The following CCDC7 variants were observed in gnomAD, a reference collection of about 807,000 sequenced individuals.
The protein encoded by CCDC7 is coiled-coil domain containing 7.
Under a neutral mutation model 196.9 loss-of-function variants are expected in CCDC7, and 183 were observed. The ratio of observed to expected loss-of-function variants is 0.93; its 90% CI spans 0.82 to 1.05. The LOEUF is 1.05. Ranked by LOEUF, CCDC7 falls within the 50% of genes least tolerant of loss-of-function variation. The pLI, the probability that CCDC7 is intolerant of heterozygous loss-of-function variation, is 0.00. For synonymous variants in CCDC7, 525 were observed against 484.6 expected (o/e 1.08, Z -1.10); for missense variants, 1,540 against 1,482.2 (o/e 1.04, Z -0.64).
intron 18 of CCDC7, among the ~76,000 whole-genome samples, chr10:32,603,019 A>G (rs74999107): frequency 0.022 from 3,417 of 152,274 alleles, 67 homozygotes; most frequent in Non-Finnish European, 0.035. Flanking sequence ...TAATATAGTC[A>G]TCCTACTGTG....
intron 33 of CCDC7, among the ~76,000 whole-genome samples, chr10:32,837,830 G>A (rs908405048): frequency 2.0e-5 from 3 of 149,880 alleles, no homozygotes; most frequent in African/African-American, 7.3e-5. Flanking sequence ...CAAGGACAAA[G>A]TACCAAACAC....
intron 5 of CCDC7, among the ~76,000 whole-genome samples, chr10:32,468,239 G>C (rs578181478): frequency 1.9e-4 from 29 of 152,102 alleles, no homozygotes; most frequent in Non-Finnish European, 3.5e-4. Flanking sequence ...TTTTCCATTT[G>C]TTTGTGTCAT....
At chr10:32,618,909 A>C (rs2063074864) in intron 18 of CCDC7, among the ~76,000 whole-genome samples, 1 of 152,118 alleles carries the variant, frequency 6.6e-6, no homozygotes, top group Admixed American at 6.6e-5. Flanking sequence ...ATGTAGTCCC[A>C]GACATCTCAA....
chr10:32,549,772 G>A (rs1297695534), intron 13 of CCDC7, among the ~76,000 whole-genome samples: 1 of 152,052 alleles, frequency 6.6e-6, no homozygotes, highest in African/African-American at 2.4e-5. Flanking sequence ...CATTGTCAGT[G>A]TGCCTGTTTT....
At chr10:32,514,517 G>A (rs1174334667) in intron 9 of CCDC7, 1 of 152,228 alleles carries the variant, frequency 6.6e-6, no homozygotes, top group African/African-American at 2.4e-5. Flanking sequence ...GAGCATGGCT[G>A]TGCCAACACT....
Position 32,533,522 on chromosome 10 carries a change from C to T in CCDC7, c.994-9778C>T, listed in dbSNP as rs562056971. ...CCTGGAAAAGTTTTTTTTTATTTTG[C>T]ACGTTGGTGTTTTATTTTTTTTCAG... On this transcript the variant is annotated intron_variant, in intron 11 of 41. Transcript: ENST00000639629. Among the ~76,000 whole-genome samples, 9 of 151,822 alleles carry T rather than the reference C, an allele frequency of 5.9e-5. No individual in the cohort carries two copies. In the South Asian group the frequency reaches 1.2e-3, roughly 21 times the overall value.
rs2038458490 is a variant in CCDC7, at chr10:32,473,947, C to T, written c.740-20C>T. 1 of 1,597,706 alleles carries T rather than the reference C, an allele frequency of 6.3e-7. No individual in the cohort carries two copies. The highest frequency in any genetic ancestry group is 8.5e-7 in the Non-Finnish European group (1 of 1,173,510). ...AATTGCCGTTTGAAGTTTATAGTGACAAATACACTTTTACTTCAGAATTCT... is the reference window on the plus strand; with the variant it reads ...AATTGCCGTTTGAAGTTTATAGTGATAAATACACTTTTACTTCAGAATTCT... On this transcript the variant is annotated intron_variant, in intron 7 of 41. Coordinates refer to ENST00000639629, the Ensembl canonical transcript of CCDC7.
intron 2 of CCDC7, among the ~76,000 whole-genome samples, chr10:32,455,202 A>G (rs1443358913): frequency 6.6e-6 from 1 of 150,728 alleles, no homozygotes; most frequent in African/African-American, 2.4e-5. Flanking sequence ...TCTCTGCTGG[A>G]TGATTTAGTT....
chr10:32,812,849 T>C (rs988825623), intron 30 of CCDC7, among the ~76,000 whole-genome samples: 3 of 152,168 alleles, frequency 2.0e-5, no homozygotes, highest in African/African-American at 7.2e-5. Context: ...TTCTTTGATA[T>C]ATCAGTTGAA....
intron 11 of CCDC7, among the ~76,000 whole-genome samples, chr10:32,532,149 C>T (rs547038967): frequency 6.6e-6 from 1 of 152,092 alleles, no homozygotes; most frequent in South Asian, 2.1e-4. Context: ...AGTCTTTCTA[C>T]TTTTTTCCTT....
intron 18 of CCDC7, among the ~76,000 whole-genome samples, chr10:32,592,811 G>C (rs2059910111): frequency 6.6e-6 from 1 of 152,028 alleles, no homozygotes; most frequent in African/African-American, 2.4e-5. Context: ...TTGGATTTCT[G>C]TCCTTGCAAT....
chr10:32,487,485 C>G (rs967746971), intron 8 of CCDC7, among the ~76,000 whole-genome samples: 1 of 152,178 alleles, frequency 6.6e-6, no homozygotes, highest in Admixed American at 6.5e-5. Flanking sequence ...TCTCTCAACT[C>G]GTCGAAGTCA....
intron 31 of CCDC7, among the ~76,000 whole-genome samples, chr10:32,821,295 T>G (rs1424767112): frequency 6.6e-6 from 1 of 152,008 alleles, no homozygotes; most frequent in African/African-American, 2.4e-5. Flanking sequence ...TGGCGATCAT[T>G]AAAAAGTCAG....
intron 13 of CCDC7, among the ~76,000 whole-genome samples, chr10:32,556,371 C>A (rs1029050583): frequency 3.9e-5 from 6 of 152,132 alleles, no homozygotes; most frequent in African/African-American, 1.4e-4. Context: ...CCAGCAAGTA[C>A]AGTAGTTTGA....
intron 20 of CCDC7, among the ~76,000 whole-genome samples, chr10:32,638,658 T>C (rs1391275789): frequency 2.0e-5 from 3 of 152,172 alleles, no homozygotes; most frequent in East Asian, 3.8e-4. Flanking sequence ...ATTTTTGCAT[T>C]GATGTTCATC....
intron 5 of CCDC7, 72 bp downstream of exon 6, chr10:32,463,121 T>C (rs2036078940): frequency 6.4e-7 from 1 of 1,570,038 alleles, no homozygotes; most frequent in African/African-American, 1.4e-5. Flanking sequence ...GGATTATGTA[T>C]AAGTTAAGTA....
chr10:32,500,740 A>C (rs1219310676), intron 9 of CCDC7, among the ~76,000 whole-genome samples: 1 of 152,086 alleles, frequency 6.6e-6, no homozygotes, highest in Non-Finnish European at 1.5e-5. Flanking sequence ...ACACCACTGC[A>C]CTCCAGCCTG....
At chr10:32,557,283 T>C (rs76390825) in intron 13 of CCDC7, among the ~76,000 whole-genome samples, 1 of 150,974 alleles carries the variant, frequency 6.6e-6, no homozygotes, top group Non-Finnish European at 1.5e-5. Flanking sequence ...TTTTTTTTTT[T>C]CCTTTTATTT....
chr10:32,491,684 C>A (rs1458436453), intron 8 of CCDC7, among the ~76,000 whole-genome samples: 1 of 151,970 alleles, frequency 6.6e-6, no homozygotes, highest in Non-Finnish European at 1.5e-5. Flanking sequence ...ATGACAGTAT[C>A]TTATTTTTTA....
Sources: gnomAD v4.1 joint callset for allele counts (sites outside exome capture counted in the v4.1 genomes callset) on GRCh38, gnomAD v4.1.1 for gene constraint, MANE v1.5 for transcripts, NCBI Gene and HGNC (gene_info 2026-07-23, HGNC 2026-07-21) for gene names.